Variants in MOK observed in about 807,000 individuals in gnomAD.
The protein encoded by MOK is MOK protein kinase, also known as MAPK/MAK/MRK overlapping kinase.
In MOK, 59 loss-of-function variants were observed where a neutral mutation model predicts 54.2. The ratio of observed to expected loss-of-function variants is 1.09; its 90% confidence interval spans 0.88 to 1.35. The LOEUF is 1.35. Among genes scored for constraint, MOK ranks in the 40% most tolerant of loss-of-function variants. The probability of loss-of-function intolerance (pLI) is 0.00; values close to 1 mark genes in which losing one functional copy is unlikely to be tolerated. For missense variants in MOK, 517 were observed against 526.2 expected (o/e 0.98, Z 0.17); for synonymous variants, 210 against 202.7 (o/e 1.04, Z -0.31).
intron 1 of MOK, among the ~76,000 whole-genome samples, chr14:102,284,252 AG>A (rs1355550453): frequency 6.6e-6 from 1 of 151,990 alleles, no homozygotes; most frequent in African/African-American, 2.4e-5. Context: ...TGTGAACAAA[AG>A]TCTAAAATAT....
At chr14:102,247,172 G>A (rs2066158061) in intron 7 of MOK, among the ~76,000 whole-genome samples, 1 of 152,014 alleles carries the variant, frequency 6.6e-6, no homozygotes, top group African/African-American at 2.4e-5. Context: ...CTCTTACGCT[G>A]GGAAAAAAGA....
downstream of MOK, among the ~76,000 whole-genome samples, chr14:102,227,674 C>T (rs187257835): frequency 3.9e-5 from 6 of 152,346 alleles, no homozygotes; most frequent in African/African-American, 1.4e-4. Flanking sequence ...TGCCCTTCTT[C>T]TTGGGTTCCT....
At chr14:102,239,213 G>C (rs2065480540) in intron 7 of MOK, among the ~76,000 whole-genome samples, 1 of 152,074 alleles carries the variant, frequency 6.6e-6, no homozygotes, top group South Asian at 2.1e-4. Flanking sequence ...ATCAGGAAAA[G>C]TCGAAAGGGC....
At position 102,231,672 on chromosome 14, in the gene MOK, G is replaced by A; in HGVS notation, c.981+35C>T. On this transcript the variant is annotated intron_variant, in intron 10 of 11. Transcript: ENST00000361847. The surrounding 1 kb of genome is among the most constrained non-coding windows in gnomAD (Gnocchi z 4.4). ...CCCGAGGGCATCCAGTCCCGGCTGA[G>A]CTAGGCAGTCTCCGGCTCCGATTTC... 6.3e-7 allele frequency: 1 copy of A among 1,590,510 alleles called. No individual in the cohort carries two copies.
In MOK at chr14:102,236,185, TG is replaced by T. The variant is rs2065205768; in HGVS notation, c.591-2397del. On this transcript the variant is annotated intron_variant, in intron 7 of 11. Coordinates refer to ENST00000361847, the MANE Select transcript of MOK (RefSeq NM_014226.3). The surrounding 1 kb of genome is among the most constrained non-coding windows in gnomAD (Gnocchi z 4.5). Reference sequence around the variant, plus strand: ...ACAAGACAAAAAGTGAAGAACCGCTTGCATTCCCGCAGCTCCTCAGCCTAGC... The same window carrying T: ...ACAAGACAAAAAGTGAAGAACCGCTTCATTCCCGCAGCTCCTCAGCCTAGC... Among the ~76,000 whole-genome samples, 1 of 152,216 alleles carries T rather than the reference TG, an allele frequency of 6.6e-6. No individual in the cohort carries two copies. Among genetic ancestry groups the T allele is most frequent in the African/African-American group, 2.4e-5 (1 of 41,454 alleles).
At chr14:102,219,796 CCTG>C (rs1161418865), downstream of MOK, among the ~76,000 whole-genome samples, 3 of 152,356 alleles carry the variant, frequency 2.0e-5, no homozygotes, top group Non-Finnish European at 4.4e-5. Context: ...AAGGGCGAAG[CCTG>C]CTAACGGGAA....
At position 102,235,424 on chromosome 14, in the gene MOK, T is replaced by A. The variant is rs1438619655; in HGVS notation, c.591-1635A>T. On this transcript the variant is annotated intron_variant, in intron 7 of 11. Transcript: ENST00000361847. This position sits in a 1 kb window ranked among gnomAD's most constrained non-coding sequence, Gnocchi z 4.4. ...CTCCTTCCGGAAGAAAAGGAAAGAG[T>A]GTGGCTTGCAGCCCAGGCCCATGCC... The A allele has an allele frequency of 6.6e-6, 1 of 152,244 alleles. No homozygotes were observed. Among genetic ancestry groups the A allele is most frequent in the Non-Finnish European group, 1.5e-5 (1 of 68,070 alleles). 9.4% of individuals were successfully genotyped at this position (152,244 alleles called of 1,614,324 possible).
chr14:102,304,179 A>C (rs1444434133), intron 1 of MOK, among the ~76,000 whole-genome samples: 4 of 152,258 alleles, frequency 2.6e-5, no homozygotes, highest in Non-Finnish European at 5.9e-5. Flanking sequence ...ATTTAACATT[A>C]TAACTACTCC....
chr14:102,275,483 G>A (rs971612573), intron 2 of MOK, among the ~76,000 whole-genome samples: 4 of 148,322 alleles, frequency 2.7e-5, no homozygotes, highest in South Asian at 2.1e-4. Context: ...AGAATGGAGT[G>A]AACCTGGGAG....
At chr14:102,279,470 T>C (rs574726767) in intron 2 of MOK, among the ~76,000 whole-genome samples, 1 of 152,202 alleles carries the variant, frequency 6.6e-6, no homozygotes, top group African/African-American at 2.4e-5. Flanking sequence ...CAGCTAACTT[T>C]TTTATTTCTT....
chr14:102,273,304 A>G (rs996144002), intron 2 of MOK, among the ~76,000 whole-genome samples: 1 of 151,872 alleles, frequency 6.6e-6, no homozygotes, highest in African/African-American at 2.4e-5. Flanking sequence ...AAATAAGTGA[A>G]TCCTGAGAAA....
At chr14:102,216,242 A>G in the MOK span, among the ~76,000 whole-genome samples, 3 of 152,194 alleles carry the variant, frequency 2.0e-5, no homozygotes, top group South Asian at 2.1e-4. Context: ...ACAGCTCTCA[A>G]AAGCGGCCTC....
intron 4 of MOK, among the ~76,000 whole-genome samples, chr14:102,257,952 G>A (rs2067102894): frequency 6.7e-6 from 1 of 149,376 alleles, no homozygotes; most frequent in Non-Finnish European, 1.5e-5. Context: ...ACTCCAGCCT[G>A]CCAACAGAGT....
In MOK at chr14:102,295,633, C is replaced by T. The variant is rs577902616; in HGVS notation, c.7+9329G>A. Among the ~76,000 whole-genome samples, 12 of 152,252 alleles carry T rather than the reference C, an allele frequency of 7.9e-5. No individual in the cohort carries two copies. In the East Asian group the frequency reaches 1.5e-3, roughly 20 times the overall value. ...AGATTAAACAGTTCAAACCAAATTA[C>T]TAAAACAAGGTCAGGAAGCTTCAGT... is the stretch of plus-strand genomic sequence containing the variant. On this transcript the variant is annotated intron_variant, in intron 1 of 11. Transcript: ENST00000361847.
chr14:102,229,842 G>A (rs1344545348), intron 10 of MOK, 185 bp from the exon 11 acceptor site: 2 of 604,420 alleles, frequency 3.3e-6, no homozygotes, highest in East Asian at 2.8e-5. Context: ...AGAGTCCCAC[G>A]GGGGAGGCCA....
rs576630365 is a variant in MOK, at chr14:102,231,886, G to A, written c.867-65C>T. On this transcript the variant is annotated intron_variant, in intron 9 of 11. Transcript: ENST00000361847. This position sits in a 1 kb window ranked among gnomAD's most constrained non-coding sequence, Gnocchi z 4.4. ...AGCCCGCAGAGCACACGGCCTACTG[G>A]CTTCTTTGTCTCCAATTTGTCTACT... The A allele has an allele frequency of 1.5e-6, 2 of 1,364,834 alleles. No homozygotes were observed. The highest frequency in any genetic ancestry group is 2.5e-5 in the South Asian group (2 of 80,520). 84.5% of individuals were successfully genotyped at this position (1,364,834 alleles called of 1,614,324 possible). A position where few individuals can be genotyped will look rare whatever the true frequency, so the allele number is the denominator to read the frequency against.
intron 4 of MOK, among the ~76,000 whole-genome samples, chr14:102,254,814 AT>A (rs1321991265): frequency 6.6e-6 from 1 of 152,136 alleles, no homozygotes; most frequent in Non-Finnish European, 1.5e-5. Flanking sequence ...GCTCAGGTGA[AT>A]TCCCTCATGG....
downstream of MOK, among the ~76,000 whole-genome samples, chr14:102,220,731 A>G (rs1260387644): frequency 6.6e-6 from 1 of 152,070 alleles, no homozygotes; most frequent in East Asian, 1.9e-4. The surrounding 1 kb of genome is among the most constrained non-coding windows in gnomAD (Gnocchi z 4.2). Flanking sequence ...AAAAAAAAAA[A>G]AAAAAAGAAA....
At position 102,229,275 on chromosome 14, in the gene MOK, A is replaced by T; in HGVS notation, c.*14T>A. On this transcript the variant is annotated 3_prime_UTR_variant, in exon 12 of 12. Transcript: ENST00000361847. ...TGGTGTTGCCTCCGAAGTCGAGACG[A>T]CGGTGCTGCTCAGTTATCTTCCGCC... 6.3e-7 allele frequency: 1 copy of T among 1,578,944 alleles called. No individual in the cohort carries two copies. Among genetic ancestry groups the T allele is most frequent in the Non-Finnish European group, 8.6e-7 (1 of 1,160,752 alleles).
Sources: gnomAD v4.1 joint callset for allele counts (sites outside exome capture counted in the v4.1 genomes callset) on GRCh38, gnomAD v4.1.1 for gene constraint, Gnocchi (gnomAD v3.1) non-coding constraint, MANE v1.5 for transcripts, NCBI Gene and HGNC (gene_info 2026-07-23, HGNC 2026-07-21) for gene names.